Variants in TNR observed in about 807,000 individuals in gnomAD.
TNR encodes the protein tenascin-R.
A neutral mutation model predicts 150.4 loss-of-function variants in TNR; 45 were observed. That is an observed-to-expected ratio of 0.30 (90% CI 0.24 to 0.38). TNR has a LOEUF of 0.38. Ranked by LOEUF, TNR falls within the 10% of genes least tolerant of loss-of-function variation. TNR has a pLI of 1.00. For missense variants in TNR, 1,544 were observed against 1,759.1 expected (o/e 0.88, Z 2.19); for synonymous variants, 687 against 678.4 (o/e 1.01, Z -0.20).
At chr1:175,731,324 TCACTG>T (rs1362467994) in intron 1 of TNR, among the ~76,000 whole-genome samples, 1 of 152,222 alleles carries the variant, frequency 6.6e-6, no homozygotes, top group African/African-American at 2.4e-5. Flanking sequence ...CTTGGGCAAG[TCACTG>T]AAACTCTATA....
intron 1 of TNR, among the ~76,000 whole-genome samples, chr1:175,710,410 G>T (rs145851285): frequency 6.6e-6 from 1 of 152,130 alleles, no homozygotes; most frequent in Non-Finnish European, 1.5e-5. Context: ...TCCCTGTGAG[G>T]TCTCCCAGGG....
chr1:175,551,103 A>G (rs966687327), intron 1 of TNR, among the ~76,000 whole-genome samples: 2 of 152,220 alleles, frequency 1.3e-5, no homozygotes, highest in South Asian at 2.1e-4. Context: ...AAAGAAATAT[A>G]TAAGAAAGTT....
rs1553203289 is a variant in TNR, at chr1:175,331,047, T to TTCTTTCTTTCTTTCTTTCTTTCCTTC, written c.3632-813_3632-812insGAAGGAAAGAAAGAAAGAAAGAAAGA. 1.6e-3 allele frequency among the ~76,000 whole-genome samples: 147 copies of TTCTTTCTTTCTTTCTTTCTTTCCTTC among 91,074 alleles called. 3 individuals carry two copies. The highest frequency in any genetic ancestry group is 2.9e-3 in the South Asian group (8 of 2,738). 59.7% of individuals were successfully genotyped at this position (91,074 alleles called of 152,430 possible). ...TTTCTTTCTTTCTTTCTTTCTTTCT[T>TTCTTTCTTTCTTTCTTTCTTTCCTTC]TCTTTCTTTCTTTCTTTCTTTCTTT... On this transcript the variant is annotated intron_variant, in intron 20 of 22. Transcript: ENST00000367674.
intron 1 of TNR, among the ~76,000 whole-genome samples, chr1:175,731,099 A>G (rs1165642206): frequency 1.3e-5 from 2 of 152,158 alleles, no homozygotes; most frequent in African/African-American, 2.4e-5. Flanking sequence ...TCTCTAAATG[A>G]CACCCCAGGC....
At chr1:175,684,540 G>A (rs1476516520) in intron 1 of TNR, among the ~76,000 whole-genome samples, 1 of 152,156 alleles carries the variant, frequency 6.6e-6, no homozygotes, top group Non-Finnish European at 1.5e-5. Context: ...ACTGAACAAC[G>A]TTACACAGGT....
intron 1 of TNR, among the ~76,000 whole-genome samples, chr1:175,683,747 AG>A (rs914225251): frequency 6.6e-6 from 1 of 152,218 alleles, no homozygotes; most frequent in Non-Finnish European, 1.5e-5. Flanking sequence ...AGAGTATGTG[AG>A]GGTGTGTTTG....
chr1:175,369,054 G>A (rs1021560417), intron 9 of TNR, among the ~76,000 whole-genome samples: 7 of 152,172 alleles, frequency 4.6e-5, no homozygotes, highest in Admixed American at 3.3e-4. Flanking sequence ...GAGTCCTTCC[G>A]GTAGGCTCTT....
At chr1:175,526,612 G>A (rs1659856516) in intron 2 of TNR, among the ~76,000 whole-genome samples, 1 of 152,186 alleles carries the variant, frequency 6.6e-6, no homozygotes, top group African/African-American at 2.4e-5. Context: ...TCTCAATTTG[G>A]CAAGAAGCTG....
At chr1:175,354,612 G>T (rs953546918) in intron 17 of TNR, 89 bp from the exon 18 acceptor site, 53 of 1,562,284 alleles carry the variant, frequency 3.4e-5, no homozygotes, top group Non-Finnish European at 4.5e-5. Flanking sequence ...AATCCCATGG[G>T]CAGCTAGGTC....
chr1:175,565,728 G>T (rs2102214486), intron 1 of TNR, among the ~76,000 whole-genome samples: 1 of 152,262 alleles, frequency 6.6e-6, no homozygotes, highest in East Asian at 1.9e-4. Flanking sequence ...TTACTTAAAA[G>T]GATGCTCATC....
chr1:175,367,449 A>C, intron 9 of TNR, 152 bp from the exon 10 acceptor site: 1 of 715,786 alleles, frequency 1.4e-6, no homozygotes, highest in East Asian at 2.7e-5. Flanking sequence ...AAGAAATCCC[A>C]ATTTCACTAT....
At chr1:175,678,149 T>C (rs1665919718) in intron 1 of TNR, among the ~76,000 whole-genome samples, 1 of 152,216 alleles carries the variant, frequency 6.6e-6, no homozygotes, top group Non-Finnish European at 1.5e-5. Flanking sequence ...ACACAAAATT[T>C]CCCATTTCTT....
intron 1 of TNR, among the ~76,000 whole-genome samples, chr1:175,667,571 A>G (rs1665568796): frequency 6.6e-6 from 1 of 152,234 alleles, no homozygotes; most frequent in African/African-American, 2.4e-5. Context: ...GAGGCATACA[A>G]GTAAACAGGG....
intron 1 of TNR, among the ~76,000 whole-genome samples, chr1:175,630,815 CA>C (rs5778864): frequency 2.5e-4 from 38 of 150,222 alleles, no homozygotes; most frequent in African/African-American, 8.0e-4. Context: ...GCTCTGCTTG[CA>C]AAAAAAAAGG....
intron 1 of TNR, among the ~76,000 whole-genome samples, chr1:175,663,827 A>G (rs1033887714): frequency 2.0e-5 from 3 of 152,242 alleles, no homozygotes; most frequent in African/African-American, 7.2e-5. Flanking sequence ...GGAACTGGAG[A>G]GTCCAAGGGC....
At chr1:175,396,111 AT>A (rs559884790) in intron 5 of TNR, among the ~76,000 whole-genome samples, 1 of 152,130 alleles carries the variant, frequency 6.6e-6, no homozygotes, top group African/African-American at 2.4e-5. Flanking sequence ...TTTAAATAAG[AT>A]TTTTTTCTCA....
chr1:175,343,280 T>C (rs1255435384), intron 18 of TNR, among the ~76,000 whole-genome samples: 2 of 152,184 alleles, frequency 1.3e-5, no homozygotes, highest in African/African-American at 4.8e-5. Flanking sequence ...ATTAGCTTTC[T>C]TGTAACAGAT....
At chr1:175,491,799 A>G (rs530421878) in intron 2 of TNR, among the ~76,000 whole-genome samples, 33 of 151,810 alleles carry the variant, frequency 2.2e-4, no homozygotes, top group Non-Finnish European at 3.1e-4. Context: ...ATAGGCACCC[A>G]CCACCACACC....
intron 9 of TNR, among the ~76,000 whole-genome samples, chr1:175,378,851 C>T (rs1652531520): frequency 6.6e-6 from 1 of 152,138 alleles, no homozygotes; most frequent in Non-Finnish European, 1.5e-5. Flanking sequence ...AATATCTGCA[C>T]AGTGCAATGG....
Sources: allele counts gnomAD v4.1 joint callset (sites outside exome capture counted in the v4.1 genomes callset), GRCh38; gene constraint gnomAD v4.1.1; transcripts MANE v1.5; gene names NCBI Gene and HGNC (gene_info 2026-07-23, HGNC 2026-07-21).